The following PCMT1 variants were observed in gnomAD, a reference collection of about 807,000 sequenced individuals.
The protein encoded by PCMT1 is protein-L-isoaspartate(D-aspartate) O-methyltransferase.
In PCMT1, 9 loss-of-function variants were observed where a neutral mutation model predicts 29.2. The ratio of observed to expected loss-of-function variants is 0.31; its 90% CI spans 0.19 to 0.54. PCMT1 has a LOEUF of 0.54. Among genes scored for constraint, PCMT1 ranks in the 20% least tolerant of loss-of-function variants. The pLI, the probability that PCMT1 is intolerant of heterozygous loss-of-function variation, is 0.95. For missense variants in PCMT1, 184 were observed against 282.2 expected, an observed-to-expected ratio of 0.65 and a Z score of 2.49; for synonymous variants, 98 against 97.5, an observed-to-expected ratio of 1.00 and a Z score of -0.03.
intron 1 of PCMT1, among the ~76,000 whole-genome samples, chr6:149,756,891 A>G (rs188634124): frequency 1.3e-5 from 2 of 152,168 alleles, no homozygotes; most frequent in East Asian, 3.9e-4. Context: ...GTGGTGGGTC[A>G]TGCCTGTAAT....
intron 7 of PCMT1, among the ~76,000 whole-genome samples, chr6:149,805,939 CA>C (rs58998570): frequency 0.2 from 17,430 of 86,068 alleles, 1,806 homozygotes; most frequent in African/African-American, 0.36. Flanking sequence ...GACTCTGTCT[CA>C]AAAAAAAAAA....
intron 1 of PCMT1, among the ~76,000 whole-genome samples, chr6:149,755,117 T>A (rs1024205840): frequency 2.0e-5 from 3 of 151,948 alleles, no homozygotes; most frequent in Non-Finnish European, 4.4e-5. Context: ...TGTTATAAGT[T>A]AAGGAAGGCC....
Position 149,749,916 on chromosome 6 carries a change from C to T in PCMT1, c.15C>T (p.Ser5=), listed in dbSNP as rs1319075477. The change falls in exon 1 of 8, where the codon TCC becomes TCT. Residue 5 remains serine (S), a synonymous_variant. Coordinates refer to ENST00000464889, the MANE Select transcript of PCMT1 (RefSeq NM_001360452.2). MAWK[S]GGASHSELIH... is the part of the protein sequence containing the mutation. Reference sequence around the variant, plus strand: ...TGTGCTTAGCGATGGCCTGGAAATCCGGCGGCGCCAGCCACTCGGAGCTAA... The same window carrying T: ...TGTGCTTAGCGATGGCCTGGAAATCTGGCGGCGCCAGCCACTCGGAGCTAA... 3 of 1,607,878 alleles carry T rather than the reference C, an allele frequency of 1.9e-6. No individual in the cohort carries two copies. The highest frequency in any genetic ancestry group is 2.5e-6 in the Non-Finnish European group (3 of 1,177,934).
chr6:149,771,011 A>AG (rs2115251158), intron 1 of PCMT1, 151 bp from the exon 2 acceptor site: 2 of 477,808 alleles, frequency 4.2e-6, no homozygotes, highest in Non-Finnish European at 7.3e-6. Context: ...AAAAAAAAAA[A>AG]GAAACCAGGT....
chr6:149,779,821 AAAG>A (rs1191753266), intron 3 of PCMT1, among the ~76,000 whole-genome samples: 20 of 151,982 alleles, frequency 1.3e-4, no homozygotes, highest in Non-Finnish European at 2.6e-4. Context: ...CAAAAAAAAA[AAAG>A]AAGTATGAAT....
chr6:149,808,791 C>T (rs1433940737), intron 7 of PCMT1, among the ~76,000 whole-genome samples: 1 of 151,832 alleles, frequency 6.6e-6, no homozygotes, highest in African/African-American at 2.4e-5. Flanking sequence ...TGCATGCCAC[C>T]ACACCCGGCT....
At chr6:149,766,623 TCTTGCATC>T (rs1787097420) in intron 1 of PCMT1, among the ~76,000 whole-genome samples, 1 of 152,230 alleles carries the variant, frequency 6.6e-6, no homozygotes, top group African/African-American at 2.4e-5. Flanking sequence ...TTCTGGCTGT[TCTTGCATC>T]ACAGTGGTAG....
At chr6:149,757,458 C>G (rs1364152637) in intron 1 of PCMT1, among the ~76,000 whole-genome samples, 1 of 152,166 alleles carries the variant, frequency 6.6e-6, no homozygotes, top group African/African-American at 2.4e-5. Flanking sequence ...CAGTGTAAAA[C>G]TAAAGATTAT....
chr6:149,786,902 C>T (rs1282284369), intron 3 of PCMT1, among the ~76,000 whole-genome samples: 29 of 146,400 alleles, frequency 2.0e-4, no homozygotes, highest in African/African-American at 7.3e-4. Context: ...GCTGCAATCT[C>T]GGCACTTTGG....
At position 149,796,482 on chromosome 6, in the gene PCMT1, C is replaced by T. The variant is rs1349924731; in HGVS notation, c.486C>T (p.Ala162=). The change falls in exon 6 of 8, where the codon GCC becomes GCT. Residue 162 remains alanine, a synonymous_variant. Coordinates refer to ENST00000464889, the MANE Select transcript of PCMT1 (RefSeq NM_001360452.2). ...ATGCCATTCATGTGGGAGCTGCAGCCCCTGTTGTACCCCAGGCGGTGAGTC... is the reference window on the plus strand; with the variant it reads ...ATGCCATTCATGTGGGAGCTGCAGCTCCTGTTGTACCCCAGGCGGTGAGTC... The part of the protein sequence containing the change: ...PYDAIHVGAA[A]PVVPQALIDQ... 6.2e-7 allele frequency: 1 copy of T among 1,612,576 alleles called. No homozygotes were observed. The highest frequency in any genetic ancestry group is 8.5e-7 in the Non-Finnish European group (1 of 1,179,112).
intron 1 of PCMT1, among the ~76,000 whole-genome samples, chr6:149,755,463 A>G (rs2115194623): frequency 6.6e-6 from 1 of 151,838 alleles, no homozygotes; most frequent in Admixed American, 6.6e-5. Context: ...TATGGGCTGT[A>G]TGGGCTTTGG....
intron 5 of PCMT1, chr6:149,794,755 G>A (rs1261914140): frequency 2.1e-6 from 1 of 467,894 alleles, no homozygotes; most frequent in East Asian, 6.3e-5. Context: ...CACTGAAAGG[G>A]GAATACAGGA....
chr6:149,805,070 C>T lies in PCMT1; in HGVS notation c.*37+2654C>T, dbSNP rs754401495. ...AAGCCTGGGAAACATAGTGAGACCT[C>T]GTATCTACTAAAAATTTAAGAACTA... On this transcript the variant is annotated intron_variant, in intron 7 of 7. Transcript: ENST00000464889. Among the ~76,000 whole-genome samples, 4 of 152,012 alleles carry T rather than the reference C, an allele frequency of 2.6e-5. No individual in the cohort carries two copies. The East Asian group carries it at 7.8e-4, about 30-fold the overall frequency.
At chr6:149,766,903 A>G (rs1047928485) in intron 1 of PCMT1, among the ~76,000 whole-genome samples, 2 of 152,090 alleles carry the variant, frequency 1.3e-5, no homozygotes, top group Admixed American at 1.3e-4. Context: ...TCTTTCACTT[A>G]GATTAGTGCT....
At chr6:149,773,477 C>T (rs1273515262) in intron 3 of PCMT1, among the ~76,000 whole-genome samples, 1 of 152,186 alleles carries the variant, frequency 6.6e-6, no homozygotes, top group African/African-American at 2.4e-5. Flanking sequence ...CTTCCGGGTT[C>T]ATGCCATTCT....
At chr6:149,802,599 C>A in intron 7 of PCMT1, 183 bp downstream of exon 7, 2 of 832,696 alleles carry the variant, frequency 2.4e-6, no homozygotes, top group Non-Finnish European at 3.1e-6. Flanking sequence ...ACTTGGTTGG[C>A]ACAAAGGCTT....
chr6:149,764,373 T>C (rs1255879209), intron 1 of PCMT1, among the ~76,000 whole-genome samples: 1 of 152,170 alleles, frequency 6.6e-6, no homozygotes, highest in Non-Finnish European at 1.5e-5. Flanking sequence ...TAAGATTCTG[T>C]TTATTAGTAC....
chr6:149,802,714 T>C (rs1388804050), intron 7 of PCMT1, among the ~76,000 whole-genome samples: 2 of 152,082 alleles, frequency 1.3e-5, no homozygotes, highest in East Asian at 1.9e-4. Flanking sequence ...TTTATGTTTT[T>C]AAATTATTTT....
At chr6:149,768,379 A>AC (rs1260110852) in intron 1 of PCMT1, among the ~76,000 whole-genome samples, 1 of 151,424 alleles carries the variant, frequency 6.6e-6, no homozygotes, top group African/African-American at 2.4e-5. Flanking sequence ...GGCATGAGCT[A>AC]CCGCACCTGG....
Sources: allele counts gnomAD v4.1 joint callset (sites outside exome capture counted in the v4.1 genomes callset), GRCh38; gene constraint gnomAD v4.1.1; transcripts MANE v1.5; gene names NCBI Gene and HGNC (gene_info 2026-07-23, HGNC 2026-07-21).